Variants in GNA14 observed in about 807,000 individuals in gnomAD.
GNA14 encodes guanine nucleotide-binding protein subunit alpha-14.
In GNA14, 50 loss-of-function variants were observed where a neutral mutation model predicts 42.0. That is an observed-to-expected ratio of 1.19 (90% CI 0.95 to 1.51). GNA14 has a LOEUF of 1.51. Among genes scored for constraint, GNA14 ranks in the 40% most tolerant of loss-of-function variants. GNA14 has a pLI of 0.00. For missense variants in GNA14, 473 were observed against 446.2 expected (o/e 1.06, Z -0.54); for synonymous variants, 173 against 163.1 (o/e 1.06, Z -0.46).
At chr9:77,496,510 A>G (rs1390368651) in intron 2 of GNA14, among the ~76,000 whole-genome samples, 1 of 152,204 alleles carries the variant, frequency 6.6e-6, no homozygotes, top group Non-Finnish European at 1.5e-5. Flanking sequence ...GGCTGAGGGA[A>G]GGGAGAGGGC....
intron 2 of GNA14, among the ~76,000 whole-genome samples, chr9:77,460,817 G>A (rs953565704): frequency 5.3e-5 from 8 of 152,168 alleles, no homozygotes; most frequent in African/African-American, 1.9e-4. Context: ...CAGGCTGTGG[G>A]GCGTGGATGG....
At chr9:77,507,196 A>C (rs1226427593) in intron 2 of GNA14, among the ~76,000 whole-genome samples, 1 of 152,202 alleles carries the variant, frequency 6.6e-6, no homozygotes, top group Non-Finnish European at 1.5e-5. Context: ...TCTCTTTTAA[A>C]AGTCAGAACA....
chr9:77,525,029 A>G (rs1837413317), intron 2 of GNA14, among the ~76,000 whole-genome samples: 1 of 152,116 alleles, frequency 6.6e-6, no homozygotes, highest in Non-Finnish European at 1.5e-5. Context: ...TGGACTGTGG[A>G]TTTTTTACAT....
At chr9:77,459,778 C>T (rs1361427894) in intron 2 of GNA14, among the ~76,000 whole-genome samples, 1 of 152,202 alleles carries the variant, frequency 6.6e-6, no homozygotes, top group Non-Finnish European at 1.5e-5. Context: ...TGACCCCAGA[C>T]TCCCCTGACT....
chr9:77,576,590 T>A (rs1391399106), intron 1 of GNA14, among the ~76,000 whole-genome samples: 2 of 152,106 alleles, frequency 1.3e-5, no homozygotes, highest in Non-Finnish European at 2.9e-5. Context: ...GGAACTCTAA[T>A]GATTAGATAT....
chr9:77,457,786 T>C (rs549857310), intron 2 of GNA14, among the ~76,000 whole-genome samples: 10 of 152,338 alleles, frequency 6.6e-5, no homozygotes. Context: ...AGTTTTGTAG[T>C]AGTTCTCCCT....
intron 1 of GNA14, among the ~76,000 whole-genome samples, chr9:77,535,068 A>G (rs564553677): frequency 6.6e-6 from 1 of 152,154 alleles, no homozygotes; most frequent in Non-Finnish European, 1.5e-5. Context: ...TTCCTTTTGT[A>G]ATCTTTAGGA....
chr9:77,515,622 G>C (rs527706821), intron 2 of GNA14, among the ~76,000 whole-genome samples: 1 of 152,100 alleles, frequency 6.6e-6, no homozygotes, highest in Non-Finnish European at 1.5e-5. Context: ...CTTTGTCTGA[G>C]AGCTGGAGGA....
intron 1 of GNA14, among the ~76,000 whole-genome samples, chr9:77,636,991 G>A (rs1319014323): frequency 6.6e-6 from 1 of 152,194 alleles, no homozygotes; most frequent in African/African-American, 2.4e-5. Context: ...TTAGCCATAA[G>A]ATCATTGCAG....
At chr9:77,596,923 A>G (rs1380175055) in intron 1 of GNA14, among the ~76,000 whole-genome samples, 2 of 152,178 alleles carry the variant, frequency 1.3e-5, no homozygotes, top group African/African-American at 2.4e-5. Context: ...ACACCTTTCC[A>G]GACGGAACCA....
At chr9:77,449,462 C>G (rs2131702529) in intron 2 of GNA14, among the ~76,000 whole-genome samples, 1 of 152,340 alleles carries the variant, frequency 6.6e-6, no homozygotes, top group East Asian at 1.9e-4. Flanking sequence ...GCCATGTTAT[C>G]AAGTGCTAGT....
chr9:77,573,904 A>G lies in GNA14; in HGVS notation c.125-44651T>C, dbSNP rs556171909. Among the ~76,000 whole-genome samples, 4 of 152,334 alleles carry G rather than the reference A, an allele frequency of 2.6e-5. No homozygotes were observed. The East Asian group carries it at 7.7e-4, about 29-fold the overall frequency. ...GAAGGTGGCATATAAGGAGCTTAGAAAAAGAGTAACCATTGTATTATTCAT... is the reference window on the plus strand; with the variant it reads ...GAAGGTGGCATATAAGGAGCTTAGAGAAAGAGTAACCATTGTATTATTCAT... On this transcript the variant is annotated intron_variant, in intron 1 of 6. Transcript: ENST00000341700.
chr9:77,568,439 C>T (rs1351720015), intron 1 of GNA14, among the ~76,000 whole-genome samples: 1 of 149,246 alleles, frequency 6.7e-6, no homozygotes, highest in Non-Finnish European at 1.5e-5. Flanking sequence ...TTGCAGTGAG[C>T]AGGGATCATG....
chr9:77,435,623 A>G (rs1835629900), intron 2 of GNA14, among the ~76,000 whole-genome samples: 2 of 152,170 alleles, frequency 1.3e-5, no homozygotes, highest in South Asian at 4.1e-4. Context: ...GGCCATTATT[A>G]CTGTAATTAT....
At chr9:77,522,238 TAGG>T (rs1444550364) in intron 2 of GNA14, among the ~76,000 whole-genome samples, 1 of 152,168 alleles carries the variant, frequency 6.6e-6, no homozygotes. Flanking sequence ...GTAGCAACAG[TAGG>T]AGAAGGCAGG....
At chr9:77,444,902 C>T (rs1303881835) in intron 2 of GNA14, among the ~76,000 whole-genome samples, 1 of 152,212 alleles carries the variant, frequency 6.6e-6, no homozygotes, top group Non-Finnish European at 1.5e-5. Flanking sequence ...CCACTCAGTG[C>T]ACAGCGTCCT....
rs558411532 is a variant in GNA14 at position 77,530,553 on chromosome 9, A to G, written c.125-1300T>C. On this transcript the variant is annotated intron_variant, in intron 1 of 6. Transcript: ENST00000341700. ...AATTATCATCTTCATTTTACAGATAAGAAACCTAAGATTCTAATTGGTTAA... is the reference window on the plus strand; with the variant it reads ...AATTATCATCTTCATTTTACAGATAGGAAACCTAAGATTCTAATTGGTTAA... 2.6e-5 allele frequency among the ~76,000 whole-genome samples: 4 copies of G among 152,366 alleles called. No homozygotes were observed. The South Asian group carries it at 8.3e-4, about 32-fold the overall frequency.
At chr9:77,446,238 T>C (rs879107668) in intron 2 of GNA14, among the ~76,000 whole-genome samples, 1 of 152,134 alleles carries the variant, frequency 6.6e-6, no homozygotes, top group Admixed American at 6.5e-5. Flanking sequence ...CTCTTTCTGG[T>C]GTTGGGTTAT....
At chr9:77,494,188 G>A (rs1587798366) in intron 2 of GNA14, among the ~76,000 whole-genome samples, 1 of 152,178 alleles carries the variant, frequency 6.6e-6, no homozygotes, top group East Asian at 1.9e-4. Flanking sequence ...CTCCCAAAGT[G>A]CTATTACAGG....
Sources: gnomAD v4.1 joint callset for allele counts (sites outside exome capture counted in the v4.1 genomes callset) on GRCh38, gnomAD v4.1.1 for gene constraint, MANE v1.5 for transcripts, NCBI Gene and HGNC (gene_info 2026-07-23, HGNC 2026-07-21) for gene names.